The following LYN variants were observed in gnomAD, a reference collection of about 807,000 sequenced individuals.
LYN encodes the protein LYN proto-oncogene, Src family tyrosine kinase.
Under a neutral mutation model 65.0 loss-of-function variants are expected in LYN, and 12 were observed. That is an observed-to-expected ratio of 0.18 (90% confidence interval 0.12 to 0.30). The LOEUF (loss-of-function observed/expected upper bound fraction) is 0.30, where lower values mean the gene tolerates loss of function less well. Ranked by LOEUF, LYN falls within the 10% of genes least tolerant of loss-of-function variation. LYN has a pLI of 1.00. For missense variants in LYN, 380 were observed against 623.2 expected (o/e 0.61, Z 4.16); for synonymous variants, 222 against 221.2 (o/e 1.00, Z -0.03).
chr8:55,931,315 TTATAA>T (rs1272331227), intron 1 of LYN, among the ~76,000 whole-genome samples: 2 of 150,620 alleles, frequency 1.3e-5, no homozygotes, highest in Non-Finnish European at 3.0e-5. Flanking sequence ...GTATTATGTA[TTATAA>T]TAAAATACAT....
chr8:55,994,806 TGGAGTGGAGCCGGGA>T (rs1457653200), intron 10 of LYN, among the ~76,000 whole-genome samples: 1 of 152,188 alleles, frequency 6.6e-6, no homozygotes, highest in African/African-American at 2.4e-5. Context: ...TGCACTACCA[TGGAGTGGAGCCGGGA>T]GGCTGGGACA....
At chr8:55,966,182 G>T (rs1438242587) in intron 8 of LYN, among the ~76,000 whole-genome samples, 1 of 151,872 alleles carries the variant, frequency 6.6e-6, no homozygotes. Context: ...ACGTTTTTTT[G>T]CTACTATTTC....
Position 55,899,931 on chromosome 8 carries a change from G to A in LYN, c.-6+19828G>A, listed in dbSNP as rs528286917. Among the ~76,000 whole-genome samples, 12 of 152,278 alleles carry A rather than the reference G, an allele frequency of 7.9e-5. No homozygotes were observed. In the South Asian group the frequency reaches 2.5e-3, roughly 32 times the overall value. On this transcript the variant is annotated intron_variant, in intron 1 of 12. Coordinates refer to ENST00000519728, the MANE Select transcript of LYN (RefSeq NM_002350.4). ...GCTAGGATTACAGGCATGAGCCACC[G>A]TGCCCAGCCTTATCATCCCTTTTCT...
chr8:55,962,479 G>A (rs1034418713), intron 8 of LYN, among the ~76,000 whole-genome samples: 3 of 152,060 alleles, frequency 2.0e-5, no homozygotes, highest in Non-Finnish European at 2.9e-5. Context: ...TTTGTGAGAT[G>A]CACTCGTGCT....
At chr8:55,979,896 G>A (rs532419323) in intron 10 of LYN, among the ~76,000 whole-genome samples, 13 of 152,286 alleles carry the variant, frequency 8.5e-5, no homozygotes, top group Admixed American at 1.3e-4. Context: ...GACCCCACCC[G>A]AGCTCCTGCC....
At chr8:55,951,728 T>A (rs188687938) in intron 6 of LYN, among the ~76,000 whole-genome samples, 1,874 of 151,950 alleles carry the variant, frequency 0.012, 21 homozygotes, top group Non-Finnish European at 0.019. Context: ...ATAATAATTT[T>A]AAAAAAATTA....
chr8:55,887,825 G>A (rs970412223), intron 1 of LYN, among the ~76,000 whole-genome samples: 2 of 151,974 alleles, frequency 1.3e-5, no homozygotes, highest in Non-Finnish European at 2.9e-5. Flanking sequence ...GGCCAGGCTG[G>A]TCTCGAACTT....
chr8:55,946,320 G>C, intron 2 of LYN, 128 bp from the exon 3 acceptor site: 1 of 720,694 alleles, frequency 1.4e-6, no homozygotes, highest in South Asian at 1.6e-5. Flanking sequence ...CTGTGCTCCT[G>C]TTCTTTCTGA....
At chr8:55,935,420 A>G (rs992663290) in intron 1 of LYN, among the ~76,000 whole-genome samples, 22 of 152,136 alleles carry the variant, frequency 1.4e-4, no homozygotes, top group African/African-American at 5.3e-4. Context: ...AAGGCAAAAA[A>G]TCTTAGTTGT....
chr8:55,898,508 T>G (rs1805179986), intron 1 of LYN, among the ~76,000 whole-genome samples: 2 of 152,136 alleles, frequency 1.3e-5, no homozygotes, highest in Non-Finnish European at 2.9e-5. Context: ...AGGCTGGTCT[T>G]GAACTCCTGG....
intron 12 of LYN, among the ~76,000 whole-genome samples, chr8:56,006,587 C>G (rs1204695768): frequency 6.6e-6 from 1 of 152,196 alleles, no homozygotes; most frequent in Non-Finnish European, 1.5e-5. Context: ...CTGCTCCCCA[C>G]CACCTCCTTC....
At chr8:55,959,697 A>C (rs1807220107) in intron 8 of LYN, among the ~76,000 whole-genome samples, 1 of 152,220 alleles carries the variant, frequency 6.6e-6, no homozygotes, top group South Asian at 2.1e-4. Flanking sequence ...AAACCTGTAC[A>C]TGAGTGTTCA....
chr8:55,942,901 T>C (rs1461395820), intron 2 of LYN, among the ~76,000 whole-genome samples: 1 of 152,060 alleles, frequency 6.6e-6, no homozygotes, highest in Admixed American at 6.6e-5. Context: ...TGTTGTATCA[T>C]ACTTTATCCT....
chr8:56,012,112 C>T lies in LYN; in HGVS notation c.*2002C>T, dbSNP rs1231201236. On this transcript the variant is annotated 3_prime_UTR_variant, in exon 13 of 13. Coordinates refer to ENST00000519728, the MANE Select transcript of LYN (RefSeq NM_002350.4). ...CCAATCAAGCCTGTGATCCTTACCTCCATGTGGGCCCTTCACCAGCTTGGG... is the reference window on the plus strand; with the variant it reads ...CCAATCAAGCCTGTGATCCTTACCTTCATGTGGGCCCTTCACCAGCTTGGG... 5.2e-6 allele frequency: 1 copy of T among 191,188 alleles called. No homozygotes were observed. The highest frequency in any genetic ancestry group is 1.1e-5 in the Non-Finnish European group (1 of 91,280). The allele number at this position is 191,188 out of a possible 1,614,324, so 11.8% of individuals were successfully genotyped here.
chr8:55,958,449 A>C (rs1253385413), intron 8 of LYN, among the ~76,000 whole-genome samples: 2 of 152,248 alleles, frequency 1.3e-5, no homozygotes, highest in African/African-American at 4.8e-5. Flanking sequence ...AGATTTGCTC[A>C]TTCCGTTTTT....
intron 1 of LYN, among the ~76,000 whole-genome samples, chr8:55,908,265 G>C (rs1007332300): frequency 1.0e-5 from 1 of 99,890 alleles, no homozygotes; most frequent in African/African-American, 6.4e-5. Flanking sequence ...ATTTATTTGA[G>C]ACAGAGTCTC....
At chr8:55,962,644 T>C (rs1807320106) in intron 8 of LYN, among the ~76,000 whole-genome samples, 1 of 152,256 alleles carries the variant, frequency 6.6e-6, no homozygotes, top group South Asian at 2.1e-4. Context: ...TCATGCCATA[T>C]TGTGCTGTGC....
chr8:55,927,347 A>G (rs1166542331), intron 1 of LYN, among the ~76,000 whole-genome samples: 1 of 152,200 alleles, frequency 6.6e-6, no homozygotes, highest in Non-Finnish European at 1.5e-5. Flanking sequence ...CACAGTATGT[A>G]GCCTTTTCAG....
In LYN at chr8:56,011,789, C is replaced by T. The variant is rs1808824299; in HGVS notation, c.*1679C>T. ...TGATTCACAAGTGCCATGTTCAGAA[C>T]TATAGAATATTACTGTTACATAATG... is the stretch of plus-strand genomic sequence containing the variant. On this transcript the variant is annotated 3_prime_UTR_variant, in exon 13 of 13. Transcript: ENST00000519728. The T allele has an allele frequency of 1.1e-5, 2 of 183,364 alleles. No individual in the cohort carries two copies. The allele number at this position is 183,364 out of a possible 1,614,324, so 11.4% of individuals were successfully genotyped here.
Sources: allele counts gnomAD v4.1 joint callset (sites outside exome capture counted in the v4.1 genomes callset), GRCh38; gene constraint gnomAD v4.1.1; transcripts MANE v1.5; gene names NCBI Gene and HGNC (gene_info 2026-07-23, HGNC 2026-07-21).